The following NFIX variants were observed in gnomAD, a reference collection of about 807,000 sequenced individuals.
NFIX encodes nuclear factor 1 X-type.
NFIX carries 2 observed loss-of-function variants against 53.3 expected under a neutral mutation model. The ratio of observed to expected loss-of-function variants is 0.04; its 90% CI spans 0.02 to 0.12. The LOEUF is 0.12. NFIX is among the 10% of genes least tolerant of loss of function. The pLI, the probability that NFIX is intolerant of heterozygous loss-of-function variation, is 1.00. For missense variants in NFIX, 310 were observed against 674.5 expected (o/e 0.46, Z 5.99); for synonymous variants, 244 against 289.0 (o/e 0.84, Z 1.58).
chr19:13,018,088 A>G (rs562578922), intron 1 of NFIX, among the ~76,000 whole-genome samples: 1 of 152,160 alleles, frequency 6.6e-6, no homozygotes, highest in Non-Finnish European at 1.5e-5. Context: ...TAATGAATTA[A>G]AGAGTAGGAT....
Position 12,996,404 on chromosome 19 carries a change from G to A in NFIX, c.27+540G>A, listed in dbSNP as rs1331551340. Among the ~76,000 whole-genome samples the A allele has an allele frequency of 1.3e-5, 2 of 152,062 alleles. No homozygotes were observed. Among genetic ancestry groups the A allele is most frequent in the Non-Finnish European group, 2.9e-5 (2 of 67,968 alleles). On this transcript the variant is annotated intron_variant, in intron 1 of 10. Transcript: ENST00000592199. The surrounding 1 kb of genome is among the most constrained non-coding windows in gnomAD (Gnocchi z 5.2). ...TGCGTGGCGGCGGCCCTTGCGTGCG[G>A]CCGGGGTGCCTGGGGTGGGCCGAGC...
At position 13,094,751 on chromosome 19, in the gene NFIX, C is replaced by T. The variant is rs535086252; in HGVS notation, c.*102C>T. 3.7e-5 allele frequency: 47 copies of T among 1,285,726 alleles called. No individual in the cohort carries two copies. The highest frequency in any genetic ancestry group is 2.1e-4 in the Admixed American group (10 of 48,100). The allele number at this position is 1,285,726 out of a possible 1,614,324, so 79.6% of individuals were successfully genotyped here. A position where few individuals can be genotyped will look rare whatever the true frequency, so the allele number is the denominator to read the frequency against. On this transcript the variant is annotated 3_prime_UTR_variant, in exon 11 of 11. Transcript: ENST00000592199. This position sits in a 1 kb window ranked among gnomAD's most constrained non-coding sequence, Gnocchi z 4.3. ...AAAATCCCCCAGCCCAGCCCAGCCC[C>T]ACCGAAAAGCAAAAATTACACGTCG... is the stretch of plus-strand genomic sequence containing the variant.
At chr19:13,091,774 C>T (rs1040731967) in intron 10 of NFIX, among the ~76,000 whole-genome samples, 4 of 152,216 alleles carry the variant, frequency 2.6e-5, no homozygotes, top group Non-Finnish European at 5.9e-5. Flanking sequence ...AGGGTTCCAT[C>T]GCTCCCTCCC....
At position 13,005,092 on chromosome 19, in the gene NFIX, C is replaced by A. The variant is rs1013196374; in HGVS notation, c.27+9228C>A. 1.2e-4 allele frequency among the ~76,000 whole-genome samples: 19 copies of A among 152,192 alleles called. No homozygotes were observed. The highest frequency in any genetic ancestry group is 6.5e-5 in the Admixed American group (1 of 15,288). On this transcript the variant is annotated intron_variant, in intron 1 of 10. Coordinates refer to ENST00000592199, the MANE Select transcript of NFIX (RefSeq NM_001365902.3). The surrounding 1 kb of genome is among the most constrained non-coding windows in gnomAD (Gnocchi z 4.7). ...TCGGCCTCCCAAAGTGCTGGGATTA[C>A]AGGCGTGAGCCACTGTGCCTGGCCA... is the stretch of plus-strand genomic sequence containing the variant.
At chr19:13,059,757 AATTTG>A (rs2015941117) in intron 2 of NFIX, among the ~76,000 whole-genome samples, 1 of 113,458 alleles carries the variant, frequency 8.8e-6, no homozygotes, top group Non-Finnish European at 1.9e-5. Flanking sequence ...TTTTTTTTCT[AATTTG>A]ATTTAATTAG....
At chr19:13,084,198 T>G (rs1364957453) in intron 8 of NFIX, among the ~76,000 whole-genome samples, 1 of 152,110 alleles carries the variant, frequency 6.6e-6, no homozygotes, top group African/African-American at 2.4e-5. Context: ...TCCTAGCACT[T>G]TGGGAGGCTG....
At position 13,024,047 on chromosome 19, in the gene NFIX, T is replaced by C; in HGVS notation, c.28-974T>C. 2 of 1,453,726 alleles carry C rather than the reference T, an allele frequency of 1.4e-6. 1 individual carries two copies. Among genetic ancestry groups the C allele is most frequent in the South Asian group, 2.5e-5 (2 of 79,496 alleles). 90.1% of individuals were successfully genotyped at this position (1,453,726 alleles called of 1,614,324 possible). A position where few individuals can be genotyped will look rare whatever the true frequency, so the allele number is the denominator to read the frequency against. ...CTTCAGATCAATGGTAATTATTTAATTTTTTCCAGTTTTATTTTTGTAAAC... is the reference window on the plus strand; with the variant it reads ...CTTCAGATCAATGGTAATTATTTAACTTTTTCCAGTTTTATTTTTGTAAAC... On this transcript the variant is annotated intron_variant, in intron 1 of 10. Coordinates refer to ENST00000592199, the MANE Select transcript of NFIX (RefSeq NM_001365902.3).
chr19:13,079,499 G>A (rs969527472), intron 7 of NFIX, among the ~76,000 whole-genome samples: 1 of 152,358 alleles, frequency 6.6e-6, no homozygotes, highest in Middle Eastern at 3.4e-3. Context: ...CCACCTGGCA[G>A]CAAGAGGCCT....
intron 2 of NFIX, among the ~76,000 whole-genome samples, chr19:13,069,055 A>C: frequency 6.6e-6 from 1 of 152,380 alleles, no homozygotes; most frequent in East Asian, 1.9e-4. Context: ...AGTGGGAAGC[A>C]GCTAAGAGCA....
intron 2 of NFIX, among the ~76,000 whole-genome samples, chr19:13,039,839 T>C (rs1275278119): frequency 6.6e-6 from 1 of 152,184 alleles, no homozygotes; most frequent in African/African-American, 2.4e-5. Context: ...TAAACCCATT[T>C]TGAATATTGA....
chr19:13,028,591 A>G lies in NFIX; in HGVS notation c.559+3039A>G, dbSNP rs1488793493. 6.6e-6 allele frequency among the ~76,000 whole-genome samples: 1 copy of G among 152,206 alleles called. No homozygotes were observed. Among genetic ancestry groups the G allele is most frequent in the African/African-American group, 2.4e-5 (1 of 41,434 alleles). ...GGTCCAAATACAGAATACTAGGTCC[A>G]AAAGGCTGCCATGCGGCTGGCCTTC... On this transcript the variant is annotated intron_variant, in intron 2 of 10. Transcript: ENST00000592199. This position sits in a 1 kb window ranked among gnomAD's most constrained non-coding sequence, Gnocchi z 4.2.
rs1205264501 is a variant in NFIX, at chr19:13,094,393, G to C, written c.1495-242G>C. ...CACCCGCTGGGCACAGTGCCCACGG[G>C]AAGGCCAGCTGGACTCTAGCACTAG... On this transcript the variant is annotated intron_variant, in intron 10 of 10. Coordinates refer to ENST00000592199, the MANE Select transcript of NFIX (RefSeq NM_001365902.3). The surrounding 1 kb of genome is among the most constrained non-coding windows in gnomAD (Gnocchi z 4.3). 6.6e-6 allele frequency among the ~76,000 whole-genome samples: 1 copy of C among 152,244 alleles called. No homozygotes were observed. Among genetic ancestry groups the C allele is most frequent in the African/African-American group, 2.4e-5 (1 of 41,472 alleles).
Position 13,078,859 on chromosome 19 carries a change from A to G in NFIX, c.1078+124A>G. 8.5e-7 allele frequency: 1 copy of G among 1,178,684 alleles called. No homozygotes were observed. Among genetic ancestry groups the G allele is most frequent in the Non-Finnish European group, 1.2e-6 (1 of 861,782 alleles). 73.0% of individuals were successfully genotyped at this position (1,178,684 alleles called of 1,614,324 possible). A position where few individuals can be genotyped will look rare whatever the true frequency, so the allele number is the denominator to read the frequency against. On this transcript the variant is annotated intron_variant, in intron 7 of 10. Transcript: ENST00000592199. The surrounding 1 kb of genome is among the most constrained non-coding windows in gnomAD (Gnocchi z 4.7). ...CAGCCCCACGCTCTCCAAGTGGGCCAAGGTGCAGCAGCGGGTGGGCATGGG... is the reference window on the plus strand; with the variant it reads ...CAGCCCCACGCTCTCCAAGTGGGCCGAGGTGCAGCAGCGGGTGGGCATGGG...
At position 13,002,738 on chromosome 19, in the gene NFIX, C is replaced by T. The variant is rs1260156259; in HGVS notation, c.27+6874C>T. Among the ~76,000 whole-genome samples, 1 of 152,170 alleles carries T rather than the reference C, an allele frequency of 6.6e-6. No individual in the cohort carries two copies. The highest frequency in any genetic ancestry group is 1.5e-5 in the Non-Finnish European group (1 of 68,010). ...GGCGGGTAGCGGGCACTGCGGCGCT[C>T]TGCAGCCAATCGGAAGCCGGGGTTG... On this transcript the variant is annotated intron_variant, in intron 1 of 10. Coordinates refer to ENST00000592199, the MANE Select transcript of NFIX (RefSeq NM_001365902.3). This position sits in a 1 kb window ranked among gnomAD's most constrained non-coding sequence, Gnocchi z 6.1.
Position 13,078,587 on chromosome 19 carries a change from C to T in NFIX, c.956-26C>T. ...CCCACCCCAGCCCAGCTAAACCTGC[C>T]CTGTGTTGCTGCTTCCTCCCCCCAG... is the stretch of plus-strand genomic sequence containing the variant. On this transcript the variant is annotated intron_variant, in intron 6 of 10. Coordinates refer to ENST00000592199, the MANE Select transcript of NFIX (RefSeq NM_001365902.3). This position sits in a 1 kb window ranked among gnomAD's most constrained non-coding sequence, Gnocchi z 4.7. 1.3e-6 allele frequency: 2 copies of T among 1,588,544 alleles called. No homozygotes were observed. Among genetic ancestry groups the T allele is most frequent in the Non-Finnish European group, 1.7e-6 (2 of 1,167,398 alleles).
In NFIX at chr19:13,001,357, C is replaced by T. The variant is rs968368424; in HGVS notation, c.27+5493C>T. On this transcript the variant is annotated intron_variant, in intron 1 of 10. Transcript: ENST00000592199. This position sits in a 1 kb window ranked among gnomAD's most constrained non-coding sequence, Gnocchi z 6.5. ...TGGGTGCTACCTGCATGTGACTCCA[C>T]GGATCATCGCACGCCCTGTCTCTTG... Among the ~76,000 whole-genome samples the T allele has an allele frequency of 3.9e-5, 6 of 152,136 alleles. No homozygotes were observed. Among genetic ancestry groups the T allele is most frequent in the Non-Finnish European group, 7.3e-5 (5 of 68,034 alleles).
At position 13,045,047 on chromosome 19, in the gene NFIX, G is replaced by A. The variant is rs10417300; in HGVS notation, c.559+19495G>A. 0.013 allele frequency among the ~76,000 whole-genome samples: 2,020 copies of A among 152,232 alleles called. 46 individuals are homozygous for A. Among genetic ancestry groups the A allele is most frequent in the African/African-American group, 0.046 (1,909 of 41,510 alleles). ...ATGGTGAGAACAGCGGTGGCCCGCC[G>A]GCAGCTCAGATACCTGGGAGCAGCA... On this transcript the variant is annotated intron_variant, in intron 2 of 10. Coordinates refer to ENST00000592199, the MANE Select transcript of NFIX (RefSeq NM_001365902.3). This position sits in a 1 kb window ranked among gnomAD's most constrained non-coding sequence, Gnocchi z 4.4.
rs1445085441 is a variant in NFIX, at chr19:13,040,759, C to T, written c.559+15207C>T. Reference sequence around the variant, plus strand: ...TGAATAGGGAGGGAGGTTTGTCTTTCACACACTCGCGCACACACACAGCCA... The same window carrying T: ...TGAATAGGGAGGGAGGTTTGTCTTTTACACACTCGCGCACACACACAGCCA... On this transcript the variant is annotated intron_variant, in intron 2 of 10. Transcript: ENST00000592199. This position sits in a 1 kb window ranked among gnomAD's most constrained non-coding sequence, Gnocchi z 4.2. Among the ~76,000 whole-genome samples the T allele has an allele frequency of 6.6e-6, 1 of 152,200 alleles. No individual in the cohort carries two copies. Among genetic ancestry groups the T allele is most frequent in the East Asian group, 1.9e-4 (1 of 5,196 alleles).
At position 13,090,750 on chromosome 19, in the gene NFIX, C is replaced by T. The variant is rs77624001; in HGVS notation, c.1494+360C>T. On this transcript the variant is annotated intron_variant, in intron 10 of 10. Coordinates refer to ENST00000592199, the MANE Select transcript of NFIX (RefSeq NM_001365902.3). This position sits in a 1 kb window ranked among gnomAD's most constrained non-coding sequence, Gnocchi z 6.6. ...TCTGCCTCACTGCTTTCACCTGCCC[C>T]GACTGGAAGCCCCGGCCCCTAGCCC... 0.013 allele frequency among the ~76,000 whole-genome samples: 1,939 copies of T among 152,292 alleles called. 46 individuals are homozygous for T. Among genetic ancestry groups the T allele is most frequent in the African/African-American group, 0.044 (1,836 of 41,548 alleles).
Sources: gnomAD v4.1 joint callset for allele counts (sites outside exome capture counted in the v4.1 genomes callset) on GRCh38, gnomAD v4.1.1 for gene constraint, Gnocchi (gnomAD v3.1) non-coding constraint, MANE v1.5 for transcripts, NCBI Gene and HGNC (gene_info 2026-07-23, HGNC 2026-07-21) for gene names.